TRAPPC9: variants seen among roughly 807,000 people sequenced by gnomAD.
TRAPPC9 encodes the protein trafficking protein particle complex subunit 9.
In TRAPPC9, 83 loss-of-function variants were observed where a neutral mutation model predicts 124.0. The observed-to-expected ratio is 0.67, with a 90% confidence interval of 0.56 to 0.80. The LOEUF (loss-of-function observed/expected upper bound fraction) is 0.80, where lower values mean the gene tolerates loss of function less well. TRAPPC9 is among the 30% of genes least tolerant of loss of function. The pLI is 0.00. For synonymous variants in TRAPPC9, 638 were observed against 617.5 expected (o/e 1.03, Z -0.49); for missense variants, 1,302 against 1,508.3 (o/e 0.86, Z 2.27).
intron 15 of TRAPPC9, among the ~76,000 whole-genome samples, chr8:140,269,714 T>C (rs2064817289): frequency 6.6e-6 from 1 of 152,200 alleles, no homozygotes; most frequent in African/African-American, 2.4e-5. Flanking sequence ...TTTCAACTCT[T>C]CTGCATGGTT....
Position 139,825,922 on chromosome 8 carries a change from G to A in TRAPPC9, c.3055+59957C>T, listed in dbSNP as rs141582418. ...ATGCCAGGCTCTGGTGGGGAGAGGT[G>A]AGCATCGGATATAACCCGCCCGTGG... is the stretch of plus-strand genomic sequence containing the variant. On this transcript the variant is annotated intron_variant, in intron 21 of 22. Transcript: ENST00000438773. This position sits in a 1 kb window ranked among gnomAD's most constrained non-coding sequence, Gnocchi z 4.6. 7.2e-4 allele frequency among the ~76,000 whole-genome samples: 109 copies of A among 152,318 alleles called. 1 individual carries two copies. The East Asian group carries it at 0.018, about 25-fold the overall frequency.
chr8:139,732,375 C>A (rs1563769669), intron 21 of TRAPPC9, among the ~76,000 whole-genome samples, 173 bp from the exon 22 acceptor site: 1 of 152,344 alleles, frequency 6.6e-6, no homozygotes. Flanking sequence ...TTCCTGGTCT[C>A]CGGAAGAGGA....
At chr8:139,898,747 C>T (rs1263261170) in intron 20 of TRAPPC9, among the ~76,000 whole-genome samples, 2 of 152,174 alleles carry the variant, frequency 1.3e-5, no homozygotes, top group African/African-American at 4.8e-5. Context: ...TCATACCCCG[C>T]TCTCTCCAAC....
intron 21 of TRAPPC9, among the ~76,000 whole-genome samples, chr8:139,801,726 C>A (rs991812367): frequency 6.6e-6 from 1 of 152,218 alleles, no homozygotes; most frequent in Non-Finnish European, 1.5e-5. Flanking sequence ...GGAATCCGCA[C>A]GAACTCCTCT....
At chr8:140,337,890 T>C (rs2067087153) in intron 9 of TRAPPC9, among the ~76,000 whole-genome samples, 2 of 151,810 alleles carry the variant, frequency 1.3e-5, no homozygotes, top group Admixed American at 1.3e-4. Context: ...GCAGGTGTTC[T>C]GGAGGGGCCT....
chr8:139,912,561 C>G (rs867571032), intron 19 of TRAPPC9, among the ~76,000 whole-genome samples: 1 of 152,128 alleles, frequency 6.6e-6, no homozygotes, highest in South Asian at 2.1e-4. Flanking sequence ...GTTTCAGGCT[C>G]AGAGGCCGAG....
At chr8:140,306,930 C>A (rs2066153679) in intron 10 of TRAPPC9, among the ~76,000 whole-genome samples, 1 of 152,148 alleles carries the variant, frequency 6.6e-6, no homozygotes, top group African/African-American at 2.4e-5. Flanking sequence ...CCTTGGGTGT[C>A]ATTTGCTATT....
intron 3 of TRAPPC9, among the ~76,000 whole-genome samples, chr8:140,437,339 A>C (rs994726417): frequency 6.6e-6 from 1 of 150,456 alleles, no homozygotes; most frequent in Non-Finnish European, 1.5e-5. Flanking sequence ...TATTTCTTAT[A>C]TTTGGCTGGG....
chr8:139,944,378 T>C (rs1418018755), intron 19 of TRAPPC9, among the ~76,000 whole-genome samples: 52 of 152,226 alleles, frequency 3.4e-4, no homozygotes, highest in Admixed American at 3.4e-3. Context: ...TTAAAACATA[T>C]CATTATCCTT....
At chr8:139,896,403 TG>T (rs1830671902) in intron 20 of TRAPPC9, among the ~76,000 whole-genome samples, 1 of 152,232 alleles carries the variant, frequency 6.6e-6, no homozygotes, top group South Asian at 2.1e-4. Context: ...AAGGATGCCC[TG>T]GGTAAGTGCT....
intron 19 of TRAPPC9, among the ~76,000 whole-genome samples, chr8:139,981,900 C>A (rs1359561731): frequency 6.6e-6 from 1 of 152,246 alleles, no homozygotes; most frequent in African/African-American, 2.4e-5. Flanking sequence ...ATCTCCCCAG[C>A]AGCCGCAGCG....
chr8:140,038,744 C>T (rs938949142), intron 17 of TRAPPC9, among the ~76,000 whole-genome samples: 14 of 152,192 alleles, frequency 9.2e-5, no homozygotes, highest in Admixed American at 4.6e-4. Flanking sequence ...ACAGAGGTCT[C>T]GACAGGAAAC....
At chr8:139,922,744 T>G (rs889049940) in intron 19 of TRAPPC9, among the ~76,000 whole-genome samples, 3 of 152,134 alleles carry the variant, frequency 2.0e-5, no homozygotes, top group African/African-American at 7.2e-5. Flanking sequence ...AAGTGCATCT[T>G]CCTGCCTTCC....
Position 140,161,304 on chromosome 8 carries a change from G to A in TRAPPC9, c.2556+60155C>T, listed in dbSNP as rs568633946. ...TCAAAGAGATGAAGTCGCTGGCCCC[G>A]GATGACGCAGCTAGCGTGCAGCCGA... On this transcript the variant is annotated intron_variant, in intron 17 of 22. Transcript: ENST00000438773. Among the ~76,000 whole-genome samples, 438 of 152,256 alleles carry A rather than the reference G, an allele frequency of 2.9e-3. 2 individuals carry two copies. Among genetic ancestry groups the A allele is most frequent in the African/African-American group, 1.0e-2 (415 of 41,546 alleles).
At chr8:139,963,880 A>G (rs902483731) in intron 19 of TRAPPC9, among the ~76,000 whole-genome samples, 2 of 152,160 alleles carry the variant, frequency 1.3e-5, no homozygotes, top group African/African-American at 4.8e-5. Context: ...GGGCATGATT[A>G]GTAAATTATG....
intron 17 of TRAPPC9, among the ~76,000 whole-genome samples, chr8:140,151,992 C>T (rs573861990): frequency 6.6e-6 from 1 of 152,258 alleles, no homozygotes; most frequent in East Asian, 1.9e-4. Context: ...GAGGCTAAGA[C>T]CACGCACTGG....
chr8:140,263,914 G>A (rs906178895), intron 15 of TRAPPC9, among the ~76,000 whole-genome samples: 7 of 152,230 alleles, frequency 4.6e-5, no homozygotes, highest in Non-Finnish European at 1.0e-4. Flanking sequence ...TGTCCACGCC[G>A]AGATATGCAA....
At chr8:140,128,591 T>C (rs2061140482) in intron 17 of TRAPPC9, among the ~76,000 whole-genome samples, 1 of 152,240 alleles carries the variant, frequency 6.6e-6, no homozygotes, top group South Asian at 2.1e-4. Context: ...ACTAATTGAA[T>C]ACCCACTGTG....
intron 14 of TRAPPC9, among the ~76,000 whole-genome samples, chr8:140,278,091 T>A (rs1264429199): frequency 1.3e-5 from 2 of 149,492 alleles, no homozygotes; most frequent in African/African-American, 5.0e-5. Flanking sequence ...GACCAAAAGT[T>A]TTTTCAAGAC....
Sources: gnomAD v4.1 joint callset for allele counts (sites outside exome capture counted in the v4.1 genomes callset) on GRCh38, gnomAD v4.1.1 for gene constraint, Gnocchi (gnomAD v3.1) non-coding constraint, MANE v1.5 for transcripts, NCBI Gene and HGNC (gene_info 2026-07-23, HGNC 2026-07-21) for gene names.